The following MTCL2 variants were observed in gnomAD, a reference collection of about 807,000 sequenced individuals.
MTCL2 encodes the protein microtubule crosslinking factor 2, also known as microtubule cross-linking factor 2.
chr20:36,797,964 C>G, the MTCL2 span, among the ~76,000 whole-genome samples: 1 of 152,170 alleles, frequency 6.6e-6, no homozygotes, highest in East Asian at 1.9e-4. Context: ...GATCTCGGCA[C>G]TTTTTCCTGC....
At chr20:36,863,065 C>G in the MTCL2 span, 19 of 1,404,470 alleles carry the variant, frequency 1.4e-5, no homozygotes, top group Non-Finnish European at 1.7e-5. The surrounding 1 kb of genome is among the most constrained non-coding windows in gnomAD (Gnocchi z 6.2). Flanking sequence ...GCACGGACCC[C>G]GGTGCGGACC....
chr20:36,844,629 C>G, the MTCL2 span, among the ~76,000 whole-genome samples: 1 of 150,568 alleles, frequency 6.6e-6, no homozygotes, highest in African/African-American at 2.4e-5. Flanking sequence ...GGTTGGGGTT[C>G]TGTTGAACTA....
the MTCL2 span, among the ~76,000 whole-genome samples, chr20:36,809,683 C>T: frequency 6.7e-6 from 1 of 150,278 alleles, no homozygotes; most frequent in Admixed American, 6.7e-5. Flanking sequence ...TCAAGCGGTT[C>T]TCTTGCCTCA....
chr20:36,786,017 T>C, the MTCL2 span: 1 of 986,312 alleles, frequency 1.0e-6, no homozygotes, highest in Non-Finnish European at 1.2e-6. Context: ...CATGGAGCCC[T>C]AGAGCAAAGC....
At chr20:36,844,613 C>A in the MTCL2 span, among the ~76,000 whole-genome samples, 17 of 151,256 alleles carry the variant, frequency 1.1e-4, no homozygotes, top group Admixed American at 1.1e-3. Context: ...TTGTTTGAGC[C>A]CAGGAGGTTG....
the MTCL2 span, among the ~76,000 whole-genome samples, chr20:36,788,755 CTT>C: frequency 6.6e-6 from 1 of 151,918 alleles, no homozygotes; most frequent in Non-Finnish European, 1.5e-5. Context: ...CTTAACCTCT[CTT>C]GAGCTTTGAT....
the MTCL2 span, among the ~76,000 whole-genome samples, chr20:36,790,738 CT>C: frequency 8.0e-3 from 1,080 of 135,614 alleles, no homozygotes; most frequent in Admixed American, 8.4e-3. Flanking sequence ...TGCCTGGCCT[CT>C]TTTTTTTTTT....
the MTCL2 span, chr20:36,782,019 G>A: frequency 6.6e-6 from 1 of 151,982 alleles, no homozygotes; most frequent in South Asian, 2.1e-4. Flanking sequence ...TGCATTTTTA[G>A]TAGAGACAGG....
At chr20:36,824,631 C>A in the MTCL2 span, among the ~76,000 whole-genome samples, 1 of 147,264 alleles carries the variant, frequency 6.8e-6, no homozygotes, top group African/African-American at 2.5e-5. Context: ...CTAAATTATA[C>A]ACTTTTATTT....
the MTCL2 span, chr20:36,862,666 A>G: frequency 2.7e-6 from 4 of 1,498,210 alleles, no homozygotes; most frequent in African/African-American, 1.4e-5. Context: ...ACCTTGAGAT[A>G]GTCGTTCTCC....
chr20:36,794,977 C>T, the MTCL2 span, among the ~76,000 whole-genome samples: 7 of 151,204 alleles, frequency 4.6e-5, no homozygotes, highest in Admixed American at 4.0e-4. The surrounding 1 kb of genome is among the most constrained non-coding windows in gnomAD (Gnocchi z 5.4). Flanking sequence ...CTTGTTCTGT[C>T]ACCCAGGCTG....
At chr20:36,863,487 C>A in the MTCL2 span, 1 of 510,946 alleles carries the variant, frequency 2.0e-6, no homozygotes, top group Non-Finnish European at 2.7e-6. This position sits in a 1 kb window ranked among gnomAD's most constrained non-coding sequence, Gnocchi z 6.2. Context: ...ACCGCGTCCC[C>A]GTCCCAAGCC....
chr20:36,786,452 G>A, the MTCL2 span: 5 of 1,516,556 alleles, frequency 3.3e-6, no homozygotes, highest in African/African-American at 1.4e-5. Context: ...TCCAGGGGCT[G>A]GGCTGGTTGA....
chr20:36,790,781 G>A, the MTCL2 span, among the ~76,000 whole-genome samples: 1 of 148,604 alleles, frequency 6.7e-6, no homozygotes, highest in African/African-American at 2.5e-5. Context: ...TCACCATGTT[G>A]CTCAGACTGG....
chr20:36,808,878 C>T, the MTCL2 span: 8 of 710,752 alleles, frequency 1.1e-5, no homozygotes, highest in African/African-American at 5.4e-5. Flanking sequence ...TCCCACCACA[C>T]GTGGCGCAAT....
At chr20:36,815,186 C>T in the MTCL2 span, 4 of 1,613,490 alleles carry the variant, frequency 2.5e-6, no homozygotes, top group African/African-American at 1.3e-5. The surrounding 1 kb of genome is among the most constrained non-coding windows in gnomAD (Gnocchi z 5.3). Context: ...CCTGGGAGCC[C>T]AAGGGGGGCA....
the MTCL2 span, chr20:36,816,346 T>C: frequency 4.0e-5 from 61 of 1,510,928 alleles, no homozygotes; most frequent in Non-Finnish European, 5.2e-5. Context: ...GGAAGGTTAG[T>C]GCTGGGAGTC....
the MTCL2 span, chr20:36,785,610 T>C: frequency 2.0e-6 from 2 of 985,330 alleles, no homozygotes; most frequent in Non-Finnish European, 2.4e-6. Context: ...CCTCTCAGGG[T>C]GCCAGGGAAA....
chr20:36,820,841 CAA>C, the MTCL2 span, among the ~76,000 whole-genome samples: 1 of 135,118 alleles, frequency 7.4e-6, no homozygotes. Flanking sequence ...GACTCTGTCT[CAA>C]AAAAAAAAAA....
Sources: gnomAD v4.1 joint callset for allele counts (sites outside exome capture counted in the v4.1 genomes callset) on GRCh38, gnomAD v4.1.1 for gene constraint, Gnocchi (gnomAD v3.1) non-coding constraint, MANE v1.5 for transcripts, NCBI Gene and HGNC (gene_info 2026-07-23, HGNC 2026-07-21) for gene names.